The following TTC28 variants were observed in gnomAD, a reference collection of about 807,000 sequenced individuals.
TTC28 encodes tetratricopeptide repeat domain 28.
In TTC28, 61 loss-of-function variants were observed where a neutral mutation model predicts 198.0. The observed-to-expected ratio is 0.31, with a 90% CI of 0.25 to 0.38. The LOEUF (loss-of-function observed/expected upper bound fraction) is 0.38, where lower values mean the gene tolerates loss of function less well. Ranked by LOEUF, TTC28 falls within the 10% of genes least tolerant of loss-of-function variation. The pLI is 1.00. For synonymous variants in TTC28, 1,171 were observed against 1,297.8 expected (o/e 0.90, Z 2.10); for missense variants, 2,678 against 3,164.0 (o/e 0.85, Z 3.69).
intron 2 of TTC28, among the ~76,000 whole-genome samples, chr22:28,400,060 T>C (rs1350988359): frequency 6.6e-6 from 1 of 152,246 alleles, no homozygotes; most frequent in Non-Finnish European, 1.5e-5. Context: ...TTTTTATATA[T>C]GCATTTTCAA....
intron 2 of TTC28, among the ~76,000 whole-genome samples, chr22:28,484,061 T>A (rs1413199382): frequency 6.6e-6 from 1 of 152,236 alleles, no homozygotes; most frequent in Non-Finnish European, 1.5e-5. Context: ...TACAGTCATC[T>A]CCTATCACCC....
intron 17 of TTC28, 56 bp from the exon 18 acceptor site, chr22:27,993,574 C>T: frequency 6.8e-7 from 1 of 1,478,066 alleles, no homozygotes. Context: ...TTTCCATCCG[C>T]ATGGCTTTGA....
chr22:28,642,729 T>C (rs2051389275), intron 1 of TTC28, among the ~76,000 whole-genome samples: 1 of 151,846 alleles, frequency 6.6e-6, no homozygotes, highest in Admixed American at 6.6e-5. Flanking sequence ...GTGAAAGAGG[T>C]GAGGGTACAA....
At position 27,988,551 on chromosome 22, in the gene TTC28, G is replaced by A. The variant is rs900903977; in HGVS notation, c.5707+1327C>T. On this transcript the variant is annotated intron_variant, in intron 21 of 22. Coordinates refer to ENST00000397906, the MANE Select transcript of TTC28 (RefSeq NM_001145418.2). The stretch of plus-strand genomic sequence containing the variant: ...GATCCACCCACCTCAGCCTCCCAAA[G>A]TGCTGGGATTACAGGAGTGAGCCAC... 4.6e-5 allele frequency among the ~76,000 whole-genome samples: 7 copies of A among 152,166 alleles called. 1 individual carries two copies. In the East Asian group the frequency reaches 1.4e-3, roughly 29 times the overall value.
intron 6 of TTC28, among the ~76,000 whole-genome samples, chr22:28,160,813 A>C (rs1921084119): frequency 6.6e-6 from 1 of 152,228 alleles, no homozygotes; most frequent in African/African-American, 2.4e-5. Flanking sequence ...TACAAAACTA[A>C]GTGCCACTTT....
At chr22:28,032,251 A>G (rs1178531643) in intron 12 of TTC28, among the ~76,000 whole-genome samples, 2 of 74,010 alleles carry the variant, frequency 2.7e-5, no homozygotes, top group African/African-American at 6.8e-5. Flanking sequence ...TATATATAAA[A>G]TATATATATA....
intron 2 of TTC28, among the ~76,000 whole-genome samples, chr22:28,463,924 A>C (rs941173299): frequency 1.3e-5 from 2 of 151,874 alleles, no homozygotes; most frequent in Non-Finnish European, 2.9e-5. Flanking sequence ...AACTATATAT[A>C]TATTTAAAAA....
At chr22:28,043,908 A>G (rs1172279533) in intron 12 of TTC28, among the ~76,000 whole-genome samples, 1 of 152,116 alleles carries the variant, frequency 6.6e-6, no homozygotes, top group Non-Finnish European at 1.5e-5. Context: ...TGCTAGAACC[A>G]CCCATGAGGG....
At chr22:28,497,791 C>G (rs2048477861) in intron 2 of TTC28, among the ~76,000 whole-genome samples, 1 of 152,196 alleles carries the variant, frequency 6.6e-6, no homozygotes, top group African/African-American at 2.4e-5. Flanking sequence ...TCAAATAGAA[C>G]AAGCTACAAG....
rs1222105806 is a variant in TTC28 at position 27,979,823 on chromosome 22, T to C, written c.*2398A>G. 6.6e-6 allele frequency: 1 copy of C among 152,244 alleles called. No homozygotes were observed. The highest frequency in any genetic ancestry group is 1.5e-5 in the Non-Finnish European group (1 of 68,034). The allele number at this position is 152,244 out of a possible 1,614,324, so 9.4% of individuals were successfully genotyped here. On this transcript the variant is annotated 3_prime_UTR_variant, in exon 23 of 23. Transcript: ENST00000397906. Reference sequence around the variant, plus strand: ...ACGTAAAGTGGCGGTGACTTTACAGTGGCCTCTAGACTGTTCTATCATTTT... The same window carrying C: ...ACGTAAAGTGGCGGTGACTTTACAGCGGCCTCTAGACTGTTCTATCATTTT...
rs150645979 is a variant in TTC28, at chr22:28,072,414, G to T, written c.3932+21666C>A. Among the ~76,000 whole-genome samples the T allele has an allele frequency of 8.6e-4, 131 of 152,310 alleles. 1 individual carries two copies. Among genetic ancestry groups the T allele is most frequent in the African/African-American group, 2.9e-3 (119 of 41,582 alleles). On this transcript the variant is annotated intron_variant, in intron 12 of 22. Transcript: ENST00000397906. ...TCACTGCTAAGTCGTCATCTGGCCT[G>T]CAGGGACATTCATCAATGGGACTAA... is the stretch of plus-strand genomic sequence containing the variant.
At chr22:28,634,836 T>C (rs1434603766) in intron 1 of TTC28, among the ~76,000 whole-genome samples, 1 of 151,526 alleles carries the variant, frequency 6.6e-6, no homozygotes, top group Non-Finnish European at 1.5e-5. Flanking sequence ...CCACCCACCC[T>C]GGCCTCCCAA....
chr22:28,466,581 T>A (rs2048023202), intron 2 of TTC28, among the ~76,000 whole-genome samples: 1 of 152,178 alleles, frequency 6.6e-6, no homozygotes, highest in Non-Finnish European at 1.5e-5. Context: ...GCACAGTGTG[T>A]GATTAATCCT....
chr22:28,482,997 C>CT (rs772817408), intron 2 of TTC28, among the ~76,000 whole-genome samples: 1 of 152,072 alleles, frequency 6.6e-6, no homozygotes, highest in Non-Finnish European at 1.5e-5. Context: ...CTGTTTCTAC[C>CT]TATTACCTGT....
At position 27,993,435 on chromosome 22, in the gene TTC28, G is replaced by A. The variant is rs756419555; in HGVS notation, c.5328C>T (p.Gly1776=). The change falls in exon 18 of 23, where the codon GGC becomes GGT. Residue 1776 remains glycine (G), a synonymous_variant. Coordinates refer to ENST00000397906, the MANE Select transcript of TTC28 (RefSeq NM_001145418.2). The part of the protein sequence containing the change: ...TSQQSVENKV[G]GIPGWQALLT... Reference sequence around the variant, plus strand: ...GGAGGGCCTGCCAGCCAGGGATGCCGCCCACTTTGTTCTCCACACTCTGCT... The same window carrying A: ...GGAGGGCCTGCCAGCCAGGGATGCCACCCACTTTGTTCTCCACACTCTGCT... The A allele has an allele frequency of 5.0e-5, 78 of 1,551,572 alleles. No homozygotes were observed. The highest frequency in any genetic ancestry group is 1.7e-4 in the Middle Eastern group (1 of 5,990).
rs535600998 is a variant in TTC28, at chr22:28,562,023, T to C, written c.381+67529A>G. Among the ~76,000 whole-genome samples the C allele has an allele frequency of 3.9e-4, 59 of 152,316 alleles. No individual in the cohort carries two copies. The South Asian group carries it at 0.011, about 29-fold the overall frequency. On this transcript the variant is annotated intron_variant, in intron 2 of 22. Transcript: ENST00000397906. ...TATCTAACACAGTATTTGACACATA[T>C]GGCATACTCAAATACTTATGGAATT...
intron 3 of TTC28, among the ~76,000 whole-genome samples, chr22:28,305,630 A>G (rs2045128825): frequency 6.6e-6 from 1 of 152,192 alleles, no homozygotes. Flanking sequence ...ATTCAAAAAC[A>G]TACCACTTCA....
intron 2 of TTC28, among the ~76,000 whole-genome samples, chr22:28,458,754 G>A (rs1023472547): frequency 5.3e-5 from 8 of 151,712 alleles, no homozygotes; most frequent in South Asian, 4.2e-4. Context: ...GGTGGCGGGC[G>A]CCTGTAGTCC....
At chr22:28,066,815 G>A (rs533786984) in intron 12 of TTC28, among the ~76,000 whole-genome samples, 3 of 152,176 alleles carry the variant, frequency 2.0e-5, no homozygotes, top group African/African-American at 2.4e-5. Context: ...GGGGTCTGTC[G>A]CCAGGCACCT....
Sources: gnomAD v4.1 joint callset for allele counts (sites outside exome capture counted in the v4.1 genomes callset) on GRCh38, gnomAD v4.1.1 for gene constraint, MANE v1.5 for transcripts, NCBI Gene and HGNC (gene_info 2026-07-23, HGNC 2026-07-21) for gene names.